Variants in PLCB1 observed in about 807,000 individuals in gnomAD.
PLCB1 encodes the protein 1-phosphatidylinositol 4,5-bisphosphate phosphodiesterase beta-1.
Under a neutral mutation model 161.8 loss-of-function variants are expected in PLCB1, and 46 were observed. The observed-to-expected ratio is 0.28, with a 90% confidence interval of 0.22 to 0.36. The LOEUF (loss-of-function observed/expected upper bound fraction) is 0.36. Among genes scored for constraint, PLCB1 ranks in the 10% least tolerant of loss-of-function variants. The pLI, the probability that PLCB1 is intolerant of heterozygous loss-of-function variation, is 1.00. For synonymous variants in PLCB1, 517 were observed against 503.7 expected, an observed-to-expected ratio of 1.03 and a Z score of -0.35; for missense variants, 1,016 against 1,472.5, an observed-to-expected ratio of 0.69 and a Z score of 5.07.
chr20:8,384,388 C>G (rs1987357608), intron 3 of PLCB1, among the ~76,000 whole-genome samples: 2 of 151,932 alleles, frequency 1.3e-5, no homozygotes, highest in Admixed American at 1.3e-4. Context: ...ATTTATGTTC[C>G]TCTCTAAACT....
intron 3 of PLCB1, among the ~76,000 whole-genome samples, chr20:8,569,672 C>A (rs1986443914): frequency 2.0e-5 from 3 of 151,960 alleles, no homozygotes; most frequent in Non-Finnish European, 4.4e-5. Flanking sequence ...TTTTTATAAT[C>A]AATAAGATTA....
chr20:8,574,594 C>G lies in PLCB1; in HGVS notation c.247-53700C>G, dbSNP rs939056358. Among the ~76,000 whole-genome samples the G allele has an allele frequency of 3.9e-5, 6 of 152,030 alleles. 1 individual carries two copies. The highest frequency in any genetic ancestry group is 6.6e-5 in the Admixed American group (1 of 15,260). On this transcript the variant is annotated intron_variant, in intron 3 of 31. Transcript: ENST00000338037. Reference sequence around the variant, plus strand: ...CCAGGGAACAGCATTAGAAGTATGTCGAAGGGAGGAAGGGAAGTGATGTAG... The same window carrying G: ...CCAGGGAACAGCATTAGAAGTATGTGGAAGGGAGGAAGGGAAGTGATGTAG...
At position 8,823,247 on chromosome 20, in the gene PLCB1, C is replaced by G. The variant is rs149033036; in HGVS notation, c.3423+32986C>G. 1.9e-3 allele frequency among the ~76,000 whole-genome samples: 293 copies of G among 152,310 alleles called. 2 individuals are homozygous for G. The highest frequency in any genetic ancestry group is 6.9e-3 in the African/African-American group (285 of 41,564). Reference sequence around the variant, plus strand: ...CAGTGATTCTCCTGCCTCAGCCTCCCTGGTAGCTGAGATTACAGGCATGCG... The same window carrying G: ...CAGTGATTCTCCTGCCTCAGCCTCCGTGGTAGCTGAGATTACAGGCATGCG... On this transcript the variant is annotated intron_variant, in intron 31 of 31. Coordinates refer to ENST00000338037, the MANE Select transcript of PLCB1 (RefSeq NM_015192.4).
intron 23 of PLCB1, among the ~76,000 whole-genome samples, chr20:8,754,194 G>C (rs1414707628): frequency 6.6e-6 from 1 of 152,046 alleles, no homozygotes; most frequent in Non-Finnish European, 1.5e-5. Flanking sequence ...GAAGGTGGAG[G>C]CTTTGTCTCA....
chr20:8,481,727 C>T (rs1036712521), intron 3 of PLCB1, among the ~76,000 whole-genome samples: 1 of 152,140 alleles, frequency 6.6e-6, no homozygotes, highest in African/African-American at 2.4e-5. Context: ...CTTCTCTGTC[C>T]TTCACCTGAA....
At chr20:8,514,488 C>A (rs1322041869) in intron 3 of PLCB1, among the ~76,000 whole-genome samples, 1 of 144,034 alleles carries the variant, frequency 6.9e-6, no homozygotes, top group East Asian at 2.1e-4. Context: ...GCCTGGGCAA[C>A]ATGGCAAAAC....
At chr20:8,841,562 T>C (rs1438835328) in intron 31 of PLCB1, among the ~76,000 whole-genome samples, 5 of 152,238 alleles carry the variant, frequency 3.3e-5, no homozygotes, top group African/African-American at 1.2e-4. Flanking sequence ...TCAAGTTTTT[T>C]CTGCCTTCCT....
chr20:8,622,718 G>C (rs1242048297), intron 3 of PLCB1, among the ~76,000 whole-genome samples: 1 of 151,678 alleles, frequency 6.6e-6, no homozygotes, highest in Admixed American at 6.6e-5. Context: ...ACTCCTCACT[G>C]TGCTTTCTGC....
At chr20:8,532,468 T>C (rs566978062) in intron 3 of PLCB1, among the ~76,000 whole-genome samples, 2 of 152,300 alleles carry the variant, frequency 1.3e-5, no homozygotes, top group South Asian at 4.1e-4. Context: ...GTCCTCATGT[T>C]CCTGTCTTCA....
At chr20:8,704,952 A>T (rs189533338) in intron 11 of PLCB1, among the ~76,000 whole-genome samples, 5 of 151,586 alleles carry the variant, frequency 3.3e-5, no homozygotes, top group Admixed American at 3.3e-4. Context: ...GCTCAAAAAC[A>T]GTCAGGCAGA....
intron 3 of PLCB1, among the ~76,000 whole-genome samples, chr20:8,444,697 C>T (rs565327167): frequency 6.6e-5 from 10 of 152,302 alleles, no homozygotes; most frequent in Non-Finnish European, 1.2e-4. Flanking sequence ...TCTCCACATC[C>T]TCTCCAGTAC....
intron 2 of PLCB1, among the ~76,000 whole-genome samples, chr20:8,314,105 T>C (rs1200944569): frequency 3.3e-5 from 5 of 152,182 alleles, no homozygotes; most frequent in African/African-American, 1.2e-4. Flanking sequence ...TCTGCCAACA[T>C]TATCTTCCTC....
At chr20:8,245,131 A>G (rs1041769472) in intron 2 of PLCB1, among the ~76,000 whole-genome samples, 3 of 151,902 alleles carry the variant, frequency 2.0e-5, no homozygotes, top group African/African-American at 7.2e-5. Flanking sequence ...ACTCTTGTAA[A>G]TAGAGCCTTA....
chr20:8,620,643 G>A (rs1165151854), intron 3 of PLCB1, among the ~76,000 whole-genome samples: 1 of 150,164 alleles, frequency 6.7e-6, no homozygotes, highest in Non-Finnish European at 1.5e-5. Context: ...GGGGGCTGAG[G>A]CCTAAGAATC....
At chr20:8,267,347 G>A (rs1168061986) in intron 2 of PLCB1, among the ~76,000 whole-genome samples, 6 of 152,076 alleles carry the variant, frequency 3.9e-5, no homozygotes, top group East Asian at 1.9e-4. Context: ...TGCCTTCTGC[G>A]GGGTAGCCTG....
chr20:8,190,787 C>T (rs2051961823), intron 2 of PLCB1, among the ~76,000 whole-genome samples: 1 of 152,106 alleles, frequency 6.6e-6, no homozygotes, highest in South Asian at 2.1e-4. Flanking sequence ...ACGTATTCCT[C>T]TAAATGCCCT....
intron 2 of PLCB1, among the ~76,000 whole-genome samples, chr20:8,261,205 T>C (rs1981675750): frequency 6.6e-6 from 1 of 151,992 alleles, no homozygotes; most frequent in South Asian, 2.1e-4. Flanking sequence ...GGCTCTACAT[T>C]TAGGGAACCA....
intron 3 of PLCB1, among the ~76,000 whole-genome samples, chr20:8,373,616 A>C (rs1013071498): frequency 1.3e-5 from 2 of 152,192 alleles, no homozygotes; most frequent in African/African-American, 4.8e-5. Flanking sequence ...TTGCAGCAAA[A>C]TTTGAGCACC....
intron 2 of PLCB1, among the ~76,000 whole-genome samples, chr20:8,207,546 A>G (rs1978598507): frequency 6.7e-6 from 1 of 149,096 alleles, no homozygotes; most frequent in Admixed American, 6.6e-5. Flanking sequence ...TTTCTTTTCC[A>G]TTGCCCCATT....
Sources: allele counts gnomAD v4.1 joint callset (sites outside exome capture counted in the v4.1 genomes callset), GRCh38; gene constraint gnomAD v4.1.1; transcripts MANE v1.5; gene names NCBI Gene and HGNC (gene_info 2026-07-23, HGNC 2026-07-21).